Variants in SLC30A9 observed in about 807,000 individuals in gnomAD.
SLC30A9 encodes the protein solute carrier family 30 member 9, also known as proton-coupled zinc antiporter SLC30A9, mitochondrial.
Under a neutral mutation model 87.5 loss-of-function variants are expected in SLC30A9, and 58 were observed. That is an observed-to-expected ratio of 0.66 (90% confidence interval 0.54 to 0.82). SLC30A9 has a LOEUF of 0.82. Among genes scored for constraint, SLC30A9 ranks in the 40% least tolerant of loss-of-function variants. The pLI is 0.00. For missense variants in SLC30A9, 557 were observed against 679.1 expected (o/e 0.82, Z 2.00); for synonymous variants, 234 against 233.0 (o/e 1.00, Z -0.04).
Position 42,063,050 on chromosome 4 carries a change from G to A in SLC30A9, c.961G>A (p.Gly321Ser). ...TAGTGGTGTTGGTATTTTCATGATG[G>A]GTGCAGGACTATCTTGGTACCATGG... ...LISGVGIFMM[G>S]AGLSWYHGVM... The change falls in exon 11 of 18, where the codon GGT (glycine) becomes AGT (serine). Residue 321 changes from glycine (G) to serine (S), a missense_variant. This residue lies in a region of SLC30A9 where 467 missense variants were observed against 529.8 expected (regional missense o/e 0.88). Coordinates refer to ENST00000264451, the MANE Select transcript of SLC30A9 (RefSeq NM_006345.4). The A allele has an allele frequency of 6.2e-7, 1 of 1,612,882 alleles. No individual in the cohort carries two copies. The highest frequency in any genetic ancestry group is 1.3e-5 in the African/African-American group (1 of 74,956).
In SLC30A9 at chr4:41,990,585, C is replaced by T. The variant is rs886257882; in HGVS notation, c.-67C>T. 12 of 922,342 alleles carry T rather than the reference C, an allele frequency of 1.3e-5. No homozygotes were observed. The African/African-American group carries it at 1.8e-4, about 14-fold the overall frequency. The allele number at this position is 922,342 out of a possible 1,614,324, so 57.1% of individuals were successfully genotyped here. On this transcript the variant is annotated 5_prime_UTR_variant, in exon 1 of 18. The change creates a premature stop within an existing upstream ORF in the 5' untranslated region. Transcript: ENST00000264451. Reference sequence around the variant, plus strand: ...TTCGCTGATGTCCAGTCTATGGAGTCAGTTGGTACCGGTGGCGGCGCGGAG... The same window carrying T: ...TTCGCTGATGTCCAGTCTATGGAGTTAGTTGGTACCGGTGGCGGCGCGGAG...
chr4:42,057,878 C>A (rs571584800), intron 9 of SLC30A9, among the ~76,000 whole-genome samples: 1 of 151,740 alleles, frequency 6.6e-6, no homozygotes, highest in African/African-American at 2.4e-5. Context: ...CTGAGGCGGG[C>A]GGATCACGAG....
In SLC30A9 at chr4:41,990,740, G is replaced by A. The variant is rs1340920789; in HGVS notation, c.89G>A (p.Cys30Tyr). 1.2e-6 allele frequency: 2 copies of A among 1,610,984 alleles called. No individual in the cohort carries two copies. Among genetic ancestry groups the A allele is most frequent in the African/African-American group, 2.7e-5 (2 of 75,020 alleles). ...CGTCTGCGATGCAGGGCGGCGGCCTGTAATCCCAGCGACCGCCAGGGTGAG... is the reference window on the plus strand; with the variant it reads ...CGTCTGCGATGCAGGGCGGCGGCCTATAATCCCAGCGACCGCCAGGGTGAG... ...RLRLRCRAAA[C>Y]NPSDRQEWQN... Residue 30 changes from cysteine to tyrosine, a missense_variant, in exon 1 of 18, where the codon TGT becomes TAT. Transcript: ENST00000264451.
At chr4:42,029,597 A>G (rs955895896) in intron 6 of SLC30A9, 7 of 704,040 alleles carry the variant, frequency 9.9e-6, no homozygotes, top group African/African-American at 7.1e-5. Flanking sequence ...AATTGTGACA[A>G]TGTGCCCAGT....
chr4:42,006,485 G>A (rs1161032508), intron 2 of SLC30A9, among the ~76,000 whole-genome samples: 2 of 151,884 alleles, frequency 1.3e-5, no homozygotes, highest in African/African-American at 2.4e-5. Flanking sequence ...CCAGGAGTTC[G>A]AGACCAGCCT....
At chr4:42,047,355 A>T (rs1477357292) in intron 8 of SLC30A9, among the ~76,000 whole-genome samples, 1 of 152,260 alleles carries the variant, frequency 6.6e-6, no homozygotes. Flanking sequence ...AATATCCAGA[A>T]TCTACAAGGA....
intron 8 of SLC30A9, among the ~76,000 whole-genome samples, 200 bp from the exon 9 acceptor site, chr4:42,049,177 A>T (rs1717286128): frequency 6.6e-6 from 1 of 152,038 alleles, no homozygotes; most frequent in Non-Finnish European, 1.5e-5. Flanking sequence ...TGTTGCCCAG[A>T]CTGGTCTTGA....
intron 9 of SLC30A9, among the ~76,000 whole-genome samples, chr4:42,054,901 GA>G (rs1560553248): frequency 6.6e-6 from 1 of 152,170 alleles, no homozygotes; most frequent in Non-Finnish European, 1.5e-5. Context: ...ATTTAAAGAT[GA>G]AATGGTACGA....
rs1359967226 is a variant in SLC30A9, at chr4:42,088,798, G to C, written c.*2672G>C. 6.6e-6 allele frequency: 1 copy of C among 152,110 alleles called. No individual in the cohort carries two copies. Among genetic ancestry groups the C allele is most frequent in the Non-Finnish European group, 1.5e-5 (1 of 68,044 alleles). 9.4% of individuals were successfully genotyped at this position (152,110 alleles called of 1,614,324 possible). A position where few individuals can be genotyped will look rare whatever the true frequency, so the allele number is the denominator to read the frequency against. ...CGACATGAGATTTGGTGGGGACAAA[G>C]ATCCAAAGCATATCAGCATCTGTAG... On this transcript the variant is annotated 3_prime_UTR_variant, in exon 18 of 18. Transcript: ENST00000264451.
intron 8 of SLC30A9, among the ~76,000 whole-genome samples, chr4:42,043,300 C>T (rs979991407): frequency 6.6e-5 from 10 of 152,084 alleles, no homozygotes; most frequent in South Asian, 4.2e-4. Flanking sequence ...TCCAACCCAA[C>T]GCAAGAAAGC....
At chr4:42,053,645 G>A (rs1717473593) in intron 9 of SLC30A9, among the ~76,000 whole-genome samples, 1 of 125,272 alleles carries the variant, frequency 8.0e-6, no homozygotes, top group Non-Finnish European at 1.6e-5. Flanking sequence ...GCCAAGATCC[G>A]AGATTGCACC....
chr4:42,026,486 T>C (rs552022456), intron 6 of SLC30A9, among the ~76,000 whole-genome samples: 29 of 152,242 alleles, frequency 1.9e-4, no homozygotes, highest in Non-Finnish European at 4.1e-4. Context: ...TTTATTGTTA[T>C]CTGTTAAACG....
At chr4:41,996,349 GC>G (rs949174318) in intron 1 of SLC30A9, among the ~76,000 whole-genome samples, 1 of 151,150 alleles carries the variant, frequency 6.6e-6, no homozygotes. Context: ...ACCTGCCTTG[GC>G]CTCCCAAAGT....
intron 14 of SLC30A9, 125 bp downstream of exon 14, chr4:42,067,317 C>T (rs893067915): frequency 3.1e-5 from 18 of 587,304 alleles, no homozygotes; most frequent in Non-Finnish European, 4.9e-5. Flanking sequence ...TTAATTCCTA[C>T]TAATCATTGA....
intron 8 of SLC30A9, among the ~76,000 whole-genome samples, chr4:42,042,702 C>A (rs907631052): frequency 1.3e-5 from 2 of 152,188 alleles, no homozygotes; most frequent in African/African-American, 4.8e-5. Flanking sequence ...CAGCGGATCT[C>A]CCAGCACAGC....
intron 6 of SLC30A9, chr4:42,030,027 A>G (rs1716356937): frequency 4.5e-6 from 4 of 882,488 alleles, no homozygotes; most frequent in Admixed American, 1.9e-5. Flanking sequence ...GGACACTGAA[A>G]TTCGCCTAGT....
intron 15 of SLC30A9, among the ~76,000 whole-genome samples, chr4:42,071,969 G>A (rs138348422): frequency 0.012 from 1,358 of 109,302 alleles, 21 homozygotes; most frequent in African/African-American, 0.032. Flanking sequence ...CTCTTGTTAT[G>A]GATCTGTTCA....
intron 17 of SLC30A9, among the ~76,000 whole-genome samples, chr4:42,080,027 A>G (rs1345800583): frequency 2.0e-5 from 3 of 152,228 alleles, no homozygotes; most frequent in African/African-American, 7.2e-5. Flanking sequence ...GAAGACAGCT[A>G]CATTCCCATA....
intron 14 of SLC30A9, among the ~76,000 whole-genome samples, chr4:42,068,871 C>T (rs1216653286): frequency 6.6e-6 from 1 of 152,188 alleles, no homozygotes; most frequent in African/African-American, 2.4e-5. Flanking sequence ...CATGAAAAGA[C>T]TCAATTTATG....
Sources: gnomAD v4.1 joint callset for allele counts (sites outside exome capture counted in the v4.1 genomes callset) on GRCh38, gnomAD v4.1.1 for gene constraint, gnomAD v4.1.1 regional missense constraint, MANE v1.5 for transcripts, NCBI Gene and HGNC (gene_info 2026-07-23, HGNC 2026-07-21) for gene names.